The following SIPA1L1 variants were observed in gnomAD, a reference collection of about 807,000 sequenced individuals.
SIPA1L1 encodes the protein signal-induced proliferation-associated 1-like protein 1.
A neutral mutation model predicts 162.7 loss-of-function variants in SIPA1L1; 26 were observed. The ratio of observed to expected loss-of-function variants is 0.16; its 90% CI spans 0.12 to 0.22. The LOEUF is 0.22. Among genes scored for constraint, SIPA1L1 ranks in the 10% least tolerant of loss-of-function variants. SIPA1L1 has a pLI of 1.00. For synonymous variants in SIPA1L1, 829 were observed against 837.4 expected, an observed-to-expected ratio of 0.99 and a Z score of 0.17; for missense variants, 1,874 against 2,241.0, an observed-to-expected ratio of 0.84 and a Z score of 3.31.
At chr14:71,652,380 A>G (rs1054480499) in intron 8 of SIPA1L1, among the ~76,000 whole-genome samples, 14 of 152,148 alleles carry the variant, frequency 9.2e-5, no homozygotes, top group Non-Finnish European at 1.9e-4. Context: ...ATCTAACTTT[A>G]TGTTGTGTCA....
intron 6 of SIPA1L1, among the ~76,000 whole-genome samples, chr14:71,623,020 G>A (rs894764315): frequency 6.6e-6 from 1 of 152,098 alleles, no homozygotes; most frequent in East Asian, 1.9e-4. Context: ...TGTAGAAATT[G>A]TTCCTCTATT....
Position 71,577,888 on chromosome 14 carries a change from C to T in SIPA1L1, c.-302-9683C>T, listed in dbSNP as rs549075573. 3.9e-5 allele frequency among the ~76,000 whole-genome samples: 6 copies of T among 151,950 alleles called. No homozygotes were observed. The East Asian group carries it at 9.7e-4, about 25-fold the overall frequency. The stretch of plus-strand genomic sequence containing the variant: ...CTGGGACCACAGGCACACACCACCA[C>T]GCCTGGCTAATTTTTTTTATTTTTT... On this transcript the variant is annotated intron_variant, in intron 4 of 23. Coordinates refer to ENST00000381232, the MANE Select transcript of SIPA1L1 (RefSeq NM_001386936.1).
chr14:71,690,889 T>C (rs61994386), intron 13 of SIPA1L1, among the ~76,000 whole-genome samples: 18,300 of 152,258 alleles, frequency 0.12, 1,505 homozygotes, highest in East Asian at 0.41. Context: ...ACTGAACATA[T>C]GCACTTGAAA....
rs528421431 is a variant in SIPA1L1, at chr14:71,473,845, A to G, written c.-464-38898A>G. Among the ~76,000 whole-genome samples, 8 of 152,354 alleles carry G rather than the reference A, an allele frequency of 5.3e-5. No homozygotes were observed. In the South Asian group the frequency reaches 1.7e-3, roughly 32 times the overall value. On this transcript the variant is annotated intron_variant, in intron 2 of 23. Coordinates refer to ENST00000381232, the MANE Select transcript of SIPA1L1 (RefSeq NM_001386936.1). ...TAAGTGCATTTGCTGAAGGACAGGA[A>G]GAAAATATTAGAGCTGTCATTAAGC... is the stretch of plus-strand genomic sequence containing the variant.
intron 4 of SIPA1L1, among the ~76,000 whole-genome samples, chr14:71,543,708 T>C (rs958190762): frequency 1.5e-4 from 23 of 151,448 alleles, no homozygotes; most frequent in Non-Finnish European, 2.1e-4. Context: ...TTTCTTTTTT[T>C]TTTTTTTGCA....
At chr14:71,490,540 TAA>T (rs992041940) in intron 2 of SIPA1L1, among the ~76,000 whole-genome samples, 1 of 152,186 alleles carries the variant, frequency 6.6e-6, no homozygotes, top group African/African-American at 2.4e-5. Flanking sequence ...ATTTTATTTA[TAA>T]GAGGATGTAT....
intron 14 of SIPA1L1, 99 bp from the exon 15 acceptor site, chr14:71,702,282 G>T (rs2082146650): frequency 7.6e-7 from 1 of 1,308,636 alleles, no homozygotes; most frequent in Admixed American, 1.9e-5. Flanking sequence ...AAAACCAGTA[G>T]TGCCTGTCAT....
rs558924529 is a variant in SIPA1L1, at chr14:71,733,548, G to T, written c.4862-118G>T. 18 of 1,037,282 alleles carry T rather than the reference G, an allele frequency of 1.7e-5. No homozygotes were observed. In the East Asian group the frequency reaches 4.3e-4, roughly 25 times the overall value. The allele number at this position is 1,037,282 out of a possible 1,614,324, so 64.3% of individuals were successfully genotyped here. On this transcript the variant is annotated intron_variant, in intron 20 of 23. Coordinates refer to ENST00000381232, the MANE Select transcript of SIPA1L1 (RefSeq NM_001386936.1). Reference sequence around the variant, plus strand: ...ATAGCCACTAACAGCCTGCTAACCTGGACATTGATAACAGTCACAAATGGC... The same window carrying T: ...ATAGCCACTAACAGCCTGCTAACCTTGACATTGATAACAGTCACAAATGGC...
chr14:71,345,098 G>T (rs116124304), intron 2 of SIPA1L1, among the ~76,000 whole-genome samples: 3,458 of 152,182 alleles, frequency 0.023, 123 homozygotes, highest in African/African-American at 0.079. Flanking sequence ...AGCCCAGGTG[G>T]GAGTGGGGGA....
chr14:71,352,053 G>C (rs977705744), intron 2 of SIPA1L1, among the ~76,000 whole-genome samples: 1 of 151,642 alleles, frequency 6.6e-6, no homozygotes, highest in Non-Finnish European at 1.5e-5. Context: ...TAAACAGTGA[G>C]ACTGGTGGAA....
At chr14:71,397,540 T>C (rs182538538) in intron 2 of SIPA1L1, among the ~76,000 whole-genome samples, 1 of 152,178 alleles carries the variant, frequency 6.6e-6, no homozygotes, top group East Asian at 1.9e-4. Context: ...TGTGCACACA[T>C]ACAGGCACAT....
intron 2 of SIPA1L1, among the ~76,000 whole-genome samples, chr14:71,491,804 A>ACG (rs1472070259): frequency 6.7e-6 from 1 of 149,128 alleles, no homozygotes; most frequent in Non-Finnish European, 1.5e-5. Context: ...ACACACACAC[A>ACG]CACACACACC....
chr14:71,371,911 G>A (rs1354454715), intron 2 of SIPA1L1, among the ~76,000 whole-genome samples: 1 of 152,128 alleles, frequency 6.6e-6, no homozygotes, highest in Non-Finnish European at 1.5e-5. Flanking sequence ...ATAGTCTAGA[G>A]GTCAGGTGAT....
chr14:71,715,818 C>T (rs2083227083), intron 17 of SIPA1L1, among the ~76,000 whole-genome samples: 1 of 152,228 alleles, frequency 6.6e-6, no homozygotes, highest in African/African-American at 2.4e-5. Context: ...TCTTCTCAAG[C>T]ATCTGGCTTT....
intron 7 of SIPA1L1, among the ~76,000 whole-genome samples, chr14:71,639,252 T>G (rs995850018): frequency 1.3e-5 from 2 of 152,026 alleles, no homozygotes; most frequent in Admixed American, 1.3e-4. Context: ...GCAAAAAAAT[T>G]TTAAAAATTT....
intron 2 of SIPA1L1, among the ~76,000 whole-genome samples, chr14:71,417,503 A>AAAAAAAAAAAAAC (rs71105776): frequency 1.4e-5 from 2 of 138,640 alleles, no homozygotes; most frequent in African/African-American, 5.2e-5. Context: ...AAAAAAAAAA[A>AAAAAAAAAAAAAC]GAAAATCCTA....
intron 19 of SIPA1L1, among the ~76,000 whole-genome samples, chr14:71,728,836 T>C (rs1355073945): frequency 6.6e-6 from 1 of 152,184 alleles, no homozygotes; most frequent in Admixed American, 6.5e-5. Flanking sequence ...GGTCAAATGC[T>C]CTGTTGCCTT....
chr14:71,565,530 T>C (rs1242417739), intron 4 of SIPA1L1, among the ~76,000 whole-genome samples: 1 of 152,220 alleles, frequency 6.6e-6, no homozygotes, highest in Non-Finnish European at 1.5e-5. Context: ...ACTAAAGTCA[T>C]GCAGTAAGAA....
chr14:71,488,708 G>A (rs1309994377), intron 2 of SIPA1L1, among the ~76,000 whole-genome samples: 1 of 152,188 alleles, frequency 6.6e-6, no homozygotes, highest in Non-Finnish European at 1.5e-5. Context: ...CTTGGTCAGT[G>A]TAGGCTGTGA....
Sources: gnomAD v4.1 joint callset for allele counts (sites outside exome capture counted in the v4.1 genomes callset) on GRCh38, gnomAD v4.1.1 for gene constraint, MANE v1.5 for transcripts, NCBI Gene and HGNC (gene_info 2026-07-23, HGNC 2026-07-21) for gene names.